SPATA17: variants seen among roughly 807,000 people sequenced by gnomAD.
SPATA17 encodes the protein spermatogenesis-associated protein 17.
Under a neutral mutation model 62.2 loss-of-function variants are expected in SPATA17, and 53 were observed. The ratio of observed to expected loss-of-function variants is 0.85; its 90% CI spans 0.68 to 1.07. The LOEUF (loss-of-function observed/expected upper bound fraction) is 1.07. Among genes scored for constraint, SPATA17 ranks in the 50% least tolerant of loss-of-function variants. The probability of loss-of-function intolerance (pLI) is 0.00; values close to 1 mark genes in which losing one functional copy is unlikely to be tolerated. For missense variants in SPATA17, 466 were observed against 425.5 expected (o/e 1.10, Z -0.84); for synonymous variants, 146 against 146.8 (o/e 0.99, Z 0.04).
chr1:217,645,425 T>C (rs1485279395), intron 1 of SPATA17, among the ~76,000 whole-genome samples: 1 of 152,166 alleles, frequency 6.6e-6, no homozygotes, highest in Non-Finnish European at 1.5e-5. Flanking sequence ...TAGATGTGTC[T>C]ATGTGCCTTA....
At chr1:217,775,226 G>T (rs1673557746) in intron 7 of SPATA17, among the ~76,000 whole-genome samples, 1 of 152,094 alleles carries the variant, frequency 6.6e-6, no homozygotes, top group Admixed American at 6.5e-5. Context: ...CCATTTGTGT[G>T]TCTTCTTTGA....
intron 6 of SPATA17, among the ~76,000 whole-genome samples, chr1:217,771,169 T>C (rs1052193211): frequency 6.6e-6 from 1 of 151,466 alleles, no homozygotes; most frequent in Non-Finnish European, 1.5e-5. Flanking sequence ...TCCTGGGTCT[T>C]ATTGAGTTGA....
intron 8 of SPATA17, among the ~76,000 whole-genome samples, chr1:217,797,008 A>G (rs1674166026): frequency 6.6e-6 from 1 of 152,138 alleles, no homozygotes; most frequent in Admixed American, 6.6e-5. Flanking sequence ...AGAAGGAGCA[A>G]AATTATTCAT....
chr1:217,787,560 A>G (rs1673899987), intron 8 of SPATA17, among the ~76,000 whole-genome samples: 1 of 152,196 alleles, frequency 6.6e-6, no homozygotes, highest in Non-Finnish European at 1.5e-5. Flanking sequence ...TTAAAAAAAT[A>G]AAGAAGAATT....
chr1:217,756,680 ACAATTCAGATG>A (rs924438369), intron 6 of SPATA17, among the ~76,000 whole-genome samples: 6 of 152,312 alleles, frequency 3.9e-5, no homozygotes, highest in African/African-American at 1.4e-4. Flanking sequence ...GGTGGAAGAG[ACAATTCAGATG>A]CAAGGCCCTC....
chr1:217,793,353 C>T (rs1043333880), intron 8 of SPATA17, among the ~76,000 whole-genome samples: 15 of 151,424 alleles, frequency 9.9e-5, no homozygotes, highest in South Asian at 2.1e-4. Flanking sequence ...CCTGAGTAGC[C>T]GGGACTAAAG....
At chr1:217,804,077 A>G (rs1292797096) in intron 9 of SPATA17, among the ~76,000 whole-genome samples, 1 of 152,112 alleles carries the variant, frequency 6.6e-6, no homozygotes, top group African/African-American at 2.4e-5. Context: ...CTGAACCACA[A>G]AAGACCCTGA....
chr1:217,759,678 A>C (rs904280681), intron 6 of SPATA17, among the ~76,000 whole-genome samples: 1 of 152,166 alleles, frequency 6.6e-6, no homozygotes, highest in African/African-American at 2.4e-5. Flanking sequence ...TGTTTCATAT[A>C]GACGGAATAG....
chr1:217,850,031 A>C (rs970728778), intron 9 of SPATA17, among the ~76,000 whole-genome samples: 13 of 152,014 alleles, frequency 8.6e-5, no homozygotes, highest in African/African-American at 3.1e-4. Context: ...TGCTGGTTTC[A>C]CTGAATATGT....
intron 9 of SPATA17, among the ~76,000 whole-genome samples, chr1:217,830,123 T>C (rs1675099836): frequency 6.6e-6 from 1 of 152,138 alleles, no homozygotes; most frequent in Admixed American, 6.6e-5. Context: ...CTAAGGCAAA[T>C]ATGTGAAAGC....
Position 217,636,981 on chromosome 1 carries a change from A to G in SPATA17, c.68+5535A>G, listed in dbSNP as rs904571547. Among the ~76,000 whole-genome samples, 6 of 152,336 alleles carry G rather than the reference A, an allele frequency of 3.9e-5. No individual in the cohort carries two copies. The East Asian group carries it at 1.2e-3, about 29-fold the overall frequency. On this transcript the variant is annotated intron_variant, in intron 1 of 10. Transcript: ENST00000366933. ...TTTAATTGGCTTCGCTGAAGGGAAA[A>G]GTATATTGGAGAATACAGAGAAACC...
intron 5 of SPATA17, among the ~76,000 whole-genome samples, chr1:217,696,922 C>T (rs971458023): frequency 2.6e-5 from 4 of 152,124 alleles, no homozygotes; most frequent in South Asian, 2.1e-4. Context: ...TCAAATCTTC[C>T]GAACTCATCA....
intron 6 of SPATA17, among the ~76,000 whole-genome samples, chr1:217,749,985 C>CTCTCTCTCTCTCTCTCTATATATA: frequency 8.1e-5 from 1 of 12,314 alleles, no homozygotes; most frequent in Non-Finnish European, 1.6e-4. Context: ...CTCTCTCTCT[C>CTCTCTCTCTCTCTCTCTATATATA]TATATATATA....
intron 5 of SPATA17, among the ~76,000 whole-genome samples, chr1:217,683,897 T>C (rs2102906786): frequency 1.3e-5 from 2 of 152,276 alleles, no homozygotes; most frequent in South Asian, 4.1e-4. Flanking sequence ...GTATATTTAT[T>C]TATGTGTGTA....
chr1:217,862,473 A>T (rs551880905), intron 9 of SPATA17, among the ~76,000 whole-genome samples: 118 of 152,312 alleles, frequency 7.7e-4, no homozygotes, highest in Non-Finnish European at 1.4e-3. Flanking sequence ...CAAGGTAAAA[A>T]ATTTAGATTG....
chr1:217,686,036 G>C (rs1671208417), intron 5 of SPATA17, among the ~76,000 whole-genome samples: 1 of 151,908 alleles, frequency 6.6e-6, no homozygotes, highest in Non-Finnish European at 1.5e-5. Flanking sequence ...TTATTTATAG[G>C]GTTCAATATT....
chr1:217,712,140 T>TTTTTTTTTTTTTTTTTTTTTTTTTTTG (rs1290868766), intron 5 of SPATA17, among the ~76,000 whole-genome samples: 1 of 150,086 alleles, frequency 6.7e-6, no homozygotes, highest in African/African-American at 2.5e-5. Context: ...TTTGTTTTTT[T>TTTTTTTTTTTTTTTTTTTTTTTTTTTG]TTTTTTACGG....
chr1:217,682,841 A>G (rs1013507646), intron 4 of SPATA17, among the ~76,000 whole-genome samples: 2 of 152,160 alleles, frequency 1.3e-5, no homozygotes, highest in African/African-American at 4.8e-5. Flanking sequence ...TGAATTTAAG[A>G]AGCCCATTAA....
At chr1:217,707,077 G>T (rs936800806) in intron 5 of SPATA17, among the ~76,000 whole-genome samples, 2 of 151,988 alleles carry the variant, frequency 1.3e-5, no homozygotes, top group Non-Finnish European at 2.9e-5. Context: ...GTATTGGTCC[G>T]GCTTGTCTTG....
Sources: gnomAD v4.1 joint callset for allele counts (sites outside exome capture counted in the v4.1 genomes callset) on GRCh38, gnomAD v4.1.1 for gene constraint, MANE v1.5 for transcripts, NCBI Gene and HGNC (gene_info 2026-07-23, HGNC 2026-07-21) for gene names.